The following PORCN variants were observed in gnomAD, a reference collection of about 807,000 sequenced individuals.
PORCN encodes the protein porcupine O-acyltransferase, also known as protein-serine O-palmitoleoyltransferase porcupine.
A neutral mutation model predicts 43.0 loss-of-function variants in PORCN; 1 was observed. That is an observed-to-expected ratio of 0.02 (90% CI 0.01 to 0.11). PORCN has a LOEUF of 0.11. PORCN is among the 10% of genes least tolerant of loss of function. The pLI is 1.00. For synonymous variants in PORCN, 148 were observed against 166.4 expected, an observed-to-expected ratio of 0.89 and a Z score of 0.85; for missense variants, 240 against 392.1, an observed-to-expected ratio of 0.61 and a Z score of 3.28.
intron 14 of PORCN, among the ~76,000 whole-genome samples, chrX:48,518,105 G>C (rs1440868618): frequency 2.4e-4 from 26 of 108,320 alleles, no homozygotes; most frequent in Non-Finnish European, 4.0e-4. Flanking sequence ...GTAGAGACAG[G>C]GTCTCCCTAT....
chrX:48,509,360 A>T, intron 1 of PORCN: 1 of 310,302 alleles, frequency 3.2e-6, no homozygotes, highest in Non-Finnish European at 5.2e-6. Flanking sequence ...CGCCGCATCC[A>T]TACAAGGAGA....
chrX:48,509,756 C>A (rs782193930), intron 1 of PORCN, 28 bp from the exon 2 acceptor site: 1 of 1,194,723 alleles, frequency 8.4e-7, no homozygotes, highest in Non-Finnish European at 1.1e-6. Flanking sequence ...CACGGACACC[C>A]GCTCCCTCTG....
intron 14 of PORCN, among the ~76,000 whole-genome samples, chrX:48,517,825 A>C (rs2061730267): frequency 9.0e-6 from 1 of 110,987 alleles, no homozygotes; most frequent in Admixed American, 9.6e-5. Flanking sequence ...AAAAAAAATC[A>C]CTTTATAGAG....
chrX:48,513,580 G>A (rs1422192340), intron 7 of PORCN, among the ~76,000 whole-genome samples: 2 of 112,697 alleles, frequency 1.8e-5, no homozygotes, highest in Non-Finnish European at 3.7e-5. Context: ...AAAAGGTCAA[G>A]TGACTTGACC....
chrX:48,518,965 C>T (rs1183297977), intron 14 of PORCN, among the ~76,000 whole-genome samples: 1 of 111,614 alleles, frequency 9.0e-6, no homozygotes, highest in Admixed American at 9.5e-5. Flanking sequence ...GAGATGCATG[C>T]CACCACACCT....
At position 48,515,874 on chromosome X, in the gene PORCN, A is replaced by T; in HGVS notation, c.1024-16A>T. 8.3e-7 allele frequency: 1 copy of T among 1,210,725 alleles called. No individual in the cohort carries two copies. Among genetic ancestry groups the T allele is most frequent in the Middle Eastern group, 2.3e-4 (1 of 4,352 alleles). ...CCTCTTCCTCACTCATTTCATTGTC[A>T]TCTGCATTCCCCCAGGGCTTCAGTT... On this transcript the variant is annotated splice_polypyrimidine_tract_variant and intron_variant, in intron 11 of 14. Coordinates refer to ENST00000326194, the MANE Select transcript of PORCN (RefSeq NM_203475.3).
At chrX:48,515,154 G>A (rs964834109) in intron 10 of PORCN, among the ~76,000 whole-genome samples, 2 of 112,430 alleles carry the variant, frequency 1.8e-5, no homozygotes, top group Admixed American at 1.9e-4. Context: ...GGGAAGGCCC[G>A]GAGGGCCTCA....
At chrX:48,511,781 A>T in intron 3 of PORCN, 111 bp from the exon 4 acceptor site, 1 of 721,976 alleles carries the variant, frequency 1.4e-6, no homozygotes, top group Non-Finnish European at 2.2e-6. Context: ...AGACTGTTGT[A>T]GGACAGGAGG....
At chrX:48,513,487 T>C (rs1243436272) in intron 7 of PORCN, among the ~76,000 whole-genome samples, 2 of 111,658 alleles carry the variant, frequency 1.8e-5, no homozygotes, top group African/African-American at 6.5e-5. Flanking sequence ...AGTTTGACTA[T>C]AGGGTTTGAT....
Position 48,509,122 on chromosome X carries a change from G to T in PORCN, c.-38+19G>T. 7.7e-6 allele frequency: 1 copy of T among 129,095 alleles called. No individual in the cohort carries two copies. 10.6% of individuals were successfully genotyped at this position (129,095 alleles called of 1,213,427 possible). A position where few individuals can be genotyped will look rare whatever the true frequency, so the allele number is the denominator to read the frequency against. Reference sequence around the variant, plus strand: ...CTGCCAGGTAGGTCGCCAGTAGTGCGCACGCGGCTCCCCAGCTCCCATCCC... The same window carrying T: ...CTGCCAGGTAGGTCGCCAGTAGTGCTCACGCGGCTCCCCAGCTCCCATCCC... On this transcript the variant is annotated intron_variant, in intron 1 of 14. Coordinates refer to ENST00000326194, the MANE Select transcript of PORCN (RefSeq NM_203475.3).
chrX:48,509,779 G>C lies in PORCN; in HGVS notation c.-37-5G>C, dbSNP rs781897578. The C allele has an allele frequency of 8.3e-7, 1 of 1,206,704 alleles. No homozygotes were observed. Among genetic ancestry groups the C allele is most frequent in the East Asian group, 3.0e-5 (1 of 33,645 alleles). ...CCCGCTCCCTCTGTGTCCCTGCTTT[G>C]ACAGATCTATCCATCTGGCCATCCA... On this transcript the variant is annotated splice_polypyrimidine_tract_variant and splice_region_variant and intron_variant, in intron 1 of 14. Transcript: ENST00000326194.
chrX:48,518,014 T>C, intron 14 of PORCN, among the ~76,000 whole-genome samples: 1 of 108,157 alleles, frequency 9.2e-6, no homozygotes, highest in Non-Finnish European at 1.9e-5. Context: ...GCTCAAGCCA[T>C]CCTTCTGCCT....
In PORCN at chrX:48,515,919, G is replaced by C. The variant is rs1477271623; in HGVS notation, c.1053G>C (p.Leu351=). ...TCAGTTTCCACCTGGCTGCGGTCCT[G>C]CTGTCCCTGGCTTTTATCACTTACG... The part of the protein sequence containing the change: ...HGFSFHLAAV[L]LSLAFITYVE... The change falls in exon 12 of 15, where the codon CTG becomes CTC. Residue 351 remains leucine, a synonymous_variant. Transcript: ENST00000326194. The C allele has an allele frequency of 8.3e-7, 1 of 1,209,418 alleles. No individual in the cohort carries two copies. Among genetic ancestry groups the C allele is most frequent in the Non-Finnish European group, 1.1e-6 (1 of 894,980 alleles).
At chrX:48,514,723 CA>C in intron 10 of PORCN, 98 bp downstream of exon 10, 1 of 671,899 alleles carries the variant, frequency 1.5e-6, no homozygotes, top group Non-Finnish European at 2.4e-6. Flanking sequence ...GCTAGGCACC[CA>C]AAATCCCTAC....
chrX:48,512,915 T>C (rs2061687080), intron 7 of PORCN, 63 bp downstream of exon 7: 3 of 1,157,140 alleles, frequency 2.6e-6, no homozygotes, highest in East Asian at 3.0e-5. Flanking sequence ...GCAGAGCCCA[T>C]GACCAATGGG....
At chrX:48,517,061 C>A (rs2061722815) in intron 13 of PORCN, 122 bp from the exon 14 acceptor site, 3 of 535,732 alleles carry the variant, frequency 5.6e-6, no homozygotes, top group Non-Finnish European at 9.8e-6. Flanking sequence ...AGGGGGTACC[C>A]TGGGCATCCT....
chrX:48,512,931 T>C (rs782568219), intron 7 of PORCN, 79 bp downstream of exon 7: 2 of 1,088,771 alleles, frequency 1.8e-6, no homozygotes, highest in East Asian at 3.0e-5. Flanking sequence ...ATGGGTTCTG[T>C]GTGTCCAAGT....
intron 7 of PORCN, among the ~76,000 whole-genome samples, chrX:48,513,372 A>G (rs1378318912): frequency 8.9e-6 from 1 of 111,974 alleles, no homozygotes; most frequent in African/African-American, 3.2e-5. Context: ...GAGTTCATGG[A>G]CTACCTCTGC....
intron 14 of PORCN, among the ~76,000 whole-genome samples, chrX:48,517,545 T>C: frequency 8.9e-6 from 1 of 112,667 alleles, no homozygotes; most frequent in South Asian, 3.6e-4. Context: ...AGGCTGGGCA[T>C]GCTGGCTCAC....
Sources: allele counts gnomAD v4.1 joint callset (sites outside exome capture counted in the v4.1 genomes callset), GRCh38; gene constraint gnomAD v4.1.1; transcripts MANE v1.5; gene names NCBI Gene and HGNC (gene_info 2026-07-23, HGNC 2026-07-21).